Variants in GZMK observed in about 807,000 individuals in gnomAD.
GZMK encodes the protein NK-Tryp-2.
Under a neutral mutation model 22.8 loss-of-function variants are expected in GZMK, and 18 were observed. The observed-to-expected ratio is 0.79, with a 90% confidence interval of 0.54 to 1.17. The LOEUF is 1.17. Among genes scored for constraint, GZMK ranks in the 50% most tolerant of loss-of-function variants. The pLI, the probability that GZMK is intolerant of heterozygous loss-of-function variation, is 0.00. For missense variants in GZMK, 342 were observed against 320.2 expected, an observed-to-expected ratio of 1.07 and a Z score of -0.52; for synonymous variants, 136 against 115.0, an observed-to-expected ratio of 1.18 and a Z score of -1.17.
intron 3 of GZMK, among the ~76,000 whole-genome samples, chr5:55,031,161 G>A (rs1189043247): frequency 2.6e-5 from 4 of 152,066 alleles, no homozygotes; most frequent in African/African-American, 7.2e-5. Flanking sequence ...ATAAGCTCCC[G>A]CCCCAAGCCT....
intron 2 of GZMK, among the ~76,000 whole-genome samples, chr5:55,029,875 T>G (rs2111614548): frequency 6.6e-6 from 1 of 152,250 alleles, no homozygotes; most frequent in South Asian, 2.1e-4. Context: ...ATTAAAACAC[T>G]TAATGTTGGG....
At chr5:55,029,186 G>A (rs1207697263) in intron 2 of GZMK, among the ~76,000 whole-genome samples, 5 of 151,848 alleles carry the variant, frequency 3.3e-5, no homozygotes, top group African/African-American at 7.3e-5. Context: ...TGTGAGCCGA[G>A]ATGGCGCCAC....
chr5:55,028,794 T>A (rs6875661), intron 2 of GZMK, among the ~76,000 whole-genome samples: 1 of 152,020 alleles, frequency 6.6e-6, no homozygotes, highest in African/African-American at 2.4e-5. Context: ...AGTATACAAA[T>A]GGCTCTACGG....
At chr5:55,032,086 G>A (rs1015096536) in intron 4 of GZMK, among the ~76,000 whole-genome samples, 3 of 152,108 alleles carry the variant, frequency 2.0e-5, no homozygotes, top group African/African-American at 4.8e-5. Flanking sequence ...GACTGTCTTC[G>A]TCTGTTTGGG....
At chr5:55,029,105 C>CA (rs1741181264) in intron 2 of GZMK, among the ~76,000 whole-genome samples, 1 of 152,028 alleles carries the variant, frequency 6.6e-6, no homozygotes, top group Non-Finnish European at 1.5e-5. Flanking sequence ...TGTGGCGGCA[C>CA]AAGCCTGTAG....
At chr5:55,024,622 A>C (rs773823586) in intron 1 of GZMK, 38 bp from the exon 2 acceptor site, 6 of 1,454,508 alleles carry the variant, frequency 4.1e-6, no homozygotes, top group Non-Finnish European at 4.8e-6. Flanking sequence ...ACAGTAGTTT[A>C]GATCTTTTGT....
chr5:55,030,326 G>C (rs1268783845), intron 2 of GZMK, 108 bp from the exon 3 acceptor site: 1 of 974,866 alleles, frequency 1.0e-6, no homozygotes. Flanking sequence ...AGGTTACCTT[G>C]GAGATAGCCC....
chr5:55,028,623 T>A lies in GZMK; in HGVS notation c.213-1811T>A, dbSNP rs573170703. On this transcript the variant is annotated intron_variant, in intron 2 of 4. Coordinates refer to ENST00000231009, the MANE Select transcript of GZMK (RefSeq NM_002104.3). ...CTGTGCTCTTTGTAACTTTTATTAATCTTTATTAATCTATATGCATGAGTA... is the reference window on the plus strand; with the variant it reads ...CTGTGCTCTTTGTAACTTTTATTAAACTTTATTAATCTATATGCATGAGTA... The A allele has an allele frequency of 3.3e-5, 5 of 152,352 alleles. No individual in the cohort carries two copies. In the South Asian group the frequency reaches 1.0e-3, roughly 32 times the overall value. The allele number at this position is 152,352 out of a possible 1,614,324, so 9.4% of individuals were successfully genotyped here. A position where few individuals can be genotyped will look rare whatever the true frequency, so the allele number is the denominator to read the frequency against.
intron 2 of GZMK, chr5:55,027,542 A>C (rs1040000914): frequency 1.3e-5 from 2 of 152,348 alleles, no homozygotes; most frequent in African/African-American, 4.8e-5. Flanking sequence ...GGGAGTCACC[A>C]AAAGCCAAAT....
chr5:55,033,485 C>T (rs947163334), intron 4 of GZMK, among the ~76,000 whole-genome samples: 7 of 152,108 alleles, frequency 4.6e-5, no homozygotes, highest in Non-Finnish European at 1.0e-4. Flanking sequence ...AGGGACAAAA[C>T]AGAGATATAG....
intron 4 of GZMK, among the ~76,000 whole-genome samples, chr5:55,032,970 C>A (rs968062033): frequency 6.6e-6 from 1 of 152,122 alleles, no homozygotes; most frequent in East Asian, 1.9e-4. Flanking sequence ...AAGACCATCA[C>A]CCTCCTAAAC....
rs1214785585 is a variant in GZMK at position 55,034,512 on chromosome 5, T to G, written c.*586T>G. ...TACTCTAAGCTTCTATGAGTTTGTA[T>G]TTTTTAAATATAAATCATAAATATA... On this transcript the variant is annotated 3_prime_UTR_variant, in exon 5 of 5. Transcript: ENST00000231009. The G allele has an allele frequency of 6.6e-6, 1 of 152,220 alleles. No homozygotes were observed. Among genetic ancestry groups the G allele is most frequent in the Non-Finnish European group, 1.5e-5 (1 of 68,040 alleles). 9.4% of individuals were successfully genotyped at this position (152,220 alleles called of 1,614,324 possible).
Position 55,024,330 on chromosome 5 carries a change from A to G in GZMK, c.8A>G (p.Lys3Arg). The change falls in exon 1 of 5, where the codon AAG becomes AGG. Residue 3 changes from lysine to arginine, a missense_variant. Lys to Arg is a conservative substitution (Grantham distance 26). Coordinates refer to ENST00000231009, the MANE Select transcript of GZMK (RefSeq NM_002104.3). Reference protein sequence around the residue: MTKFSSFSLFFLI... With the variant: MTRFSSFSLFFLI... ...TAAATCTAAATCTTTAAAATGACTA[A>G]GTTTTCTTCCTTTTCTCTGTTTTTC... 1 of 1,449,194 alleles carries G rather than the reference A, an allele frequency of 6.9e-7. No individual in the cohort carries two copies. The highest frequency in any genetic ancestry group is 9.7e-7 in the Non-Finnish European group (1 of 1,031,974). The allele number at this position is 1,449,194 out of a possible 1,614,324, so 89.8% of individuals were successfully genotyped here. A position where few individuals can be genotyped will look rare whatever the true frequency, so the allele number is the denominator to read the frequency against.
Position 55,024,328 on chromosome 5 carries a change from T to A in GZMK, c.6T>A (p.Thr2=). M[T]KFSSFSLFFL... ...CTTAAATCTAAATCTTTAAAATGACTAAGTTTTCTTCCTTTTCTCTGTTTT... is the reference window on the plus strand; with the variant it reads ...CTTAAATCTAAATCTTTAAAATGACAAAGTTTTCTTCCTTTTCTCTGTTTT... Residue 2 remains threonine (T), a synonymous_variant, in exon 1 of 5, where the codon ACT becomes ACA. Coordinates refer to ENST00000231009, the MANE Select transcript of GZMK (RefSeq NM_002104.3). The A allele has an allele frequency of 7.0e-7, 1 of 1,436,666 alleles. No homozygotes were observed. The highest frequency in any genetic ancestry group is 9.8e-7 in the Non-Finnish European group (1 of 1,020,472). 89.0% of individuals were successfully genotyped at this position (1,436,666 alleles called of 1,614,324 possible).
At position 55,031,472 on chromosome 5, in the gene GZMK, G is replaced by A. The variant is rs554814374; in HGVS notation, c.472G>A (p.Asp158Asn). The A allele has an allele frequency of 7.2e-5, 116 of 1,614,120 alleles. No homozygotes were observed. In the Middle Eastern group the frequency reaches 9.9e-4, roughly 14 times the overall value. ...CAAGGTTACTGGCTGGGGAGCCACC[G>A]ATCCAGATTCATTAAGACCTTCTGA... Reference protein sequence around the residue: ...KCKVTGWGATDPDSLRPSDTL... With the variant: ...KCKVTGWGATNPDSLRPSDTL... The change falls in exon 4 of 5, where the codon GAT becomes AAT. Residue 158 changes from aspartate (D) to asparagine (N), a missense_variant. By Grantham distance (23) the Asp-to-Asn change is conservative. Coordinates refer to ENST00000231009, the MANE Select transcript of GZMK (RefSeq NM_002104.3).
At chr5:55,025,215 G>A (rs1377376169) in intron 2 of GZMK, 1 of 153,842 alleles carries the variant, frequency 6.5e-6, no homozygotes, top group Non-Finnish European at 1.4e-5. Context: ...TGGGTTTTGA[G>A]AATTAAATAG....
chr5:55,033,881 C>A lies in GZMK; in HGVS notation c.750C>A (p.Tyr250Ter). The A allele has an allele frequency of 6.2e-7, 1 of 1,613,278 alleles. No homozygotes were observed. The highest frequency in any genetic ancestry group is 8.5e-7 in the Non-Finnish European group (1 of 1,179,528). Residue 250 changes from tyrosine to a stop codon, truncating the protein, a stop_gained, in exon 5 of 5, where the codon TAC (tyrosine) becomes TAA (stop). Transcript: ENST00000231009. LOFTEE classifies it low-confidence loss of function (END_TRUNC). ...PGIYTLLTKK[Y>*]QTWIKSNLVP... ...TCTACACCCTGTTAACCAAGAAATA[C>A]CAGACTTGGATCAAAAGCAACCTTG...
At chr5:55,033,730 T>C in intron 4 of GZMK, 35 bp from the exon 5 acceptor site, 1 of 1,556,820 alleles carries the variant, frequency 6.4e-7, no homozygotes, top group Non-Finnish European at 8.7e-7. Flanking sequence ...CCCAACAGCT[T>C]CTTACCACGT....
At chr5:55,031,239 AC>A in intron 3 of GZMK, 124 bp from the exon 4 acceptor site, 1 of 757,938 alleles carries the variant, frequency 1.3e-6, no homozygotes, top group Non-Finnish European at 2.2e-6. Flanking sequence ...GCTGCAGGCC[AC>A]CACCAAAGTA....
Sources: allele counts gnomAD v4.1 joint callset (sites outside exome capture counted in the v4.1 genomes callset), GRCh38; gene constraint gnomAD v4.1.1; transcripts MANE v1.5; gene names NCBI Gene and HGNC (gene_info 2026-07-23, HGNC 2026-07-21).